Variants in SYNPR observed in about 807,000 individuals in gnomAD.
The protein encoded by SYNPR is synaptoporin.
In SYNPR, 23 loss-of-function variants were observed where a neutral mutation model predicts 32.9. The observed-to-expected ratio is 0.70, with a 90% confidence interval of 0.50 to 0.99. The LOEUF (loss-of-function observed/expected upper bound fraction) is 0.99. SYNPR is among the 50% of genes least tolerant of loss of function. SYNPR has a pLI of 0.00. For synonymous variants in SYNPR, 146 were observed against 135.9 expected (o/e 1.07, Z -0.52); for missense variants, 318 against 349.3 (o/e 0.91, Z 0.71).
intron 4 of SYNPR, 28 bp from the exon 5 acceptor site, chr3:63,609,097 C>A: frequency 6.4e-7 from 1 of 1,557,724 alleles, no homozygotes; most frequent in Non-Finnish European, 8.7e-7. Context: ...TTTCTTTTAC[C>A]ATTTTCTATT....
At chr3:63,368,976 CT>C (rs1575612817) in intron 2 of SYNPR, among the ~76,000 whole-genome samples, 1 of 152,272 alleles carries the variant, frequency 6.6e-6, no homozygotes, top group East Asian at 1.9e-4. Flanking sequence ...TACTCATGGT[CT>C]GTGTTATGAG....
intron 3 of SYNPR, among the ~76,000 whole-genome samples, chr3:63,272,716 G>A (rs1197417148): frequency 6.6e-6 from 1 of 151,982 alleles, no homozygotes; most frequent in Non-Finnish European, 1.5e-5. Flanking sequence ...ATCCCTCCCT[G>A]GTTTCTGTTT....
the SYNPR span, among the ~76,000 whole-genome samples, chr3:63,211,287 G>C: frequency 2.0e-5 from 3 of 152,052 alleles, no homozygotes; most frequent in African/African-American, 7.2e-5. Context: ...GGCTGGTCTT[G>C]AACTCCTGAC....
At chr3:63,523,791 T>A (rs953365745) in intron 3 of SYNPR, among the ~76,000 whole-genome samples, 1 of 152,212 alleles carries the variant, frequency 6.6e-6, no homozygotes, top group Non-Finnish European at 1.5e-5. Context: ...CCCTGCTCAC[T>A]ATGATTTCAG....
intron 2 of SYNPR, among the ~76,000 whole-genome samples, chr3:63,365,044 G>A (rs1340356500): frequency 5.9e-5 from 9 of 152,148 alleles, no homozygotes; most frequent in South Asian, 4.2e-4. Flanking sequence ...ACAAGTCCAC[G>A]AAAAGGGAGT....
At chr3:63,457,851 A>G (rs767879385) in intron 2 of SYNPR, among the ~76,000 whole-genome samples, 1 of 152,098 alleles carries the variant, frequency 6.6e-6, no homozygotes, top group Non-Finnish European at 1.5e-5. Flanking sequence ...AGACTACATG[A>G]TTACCTTAAT....
chr3:63,612,320 C>CAT lies in SYNPR; in HGVS notation c.601-2902_601-2901dup, dbSNP rs571282169. Among the ~76,000 whole-genome samples the CAT allele has an allele frequency of 1.9e-4, 29 of 152,328 alleles. No individual in the cohort carries two copies. In the East Asian group the frequency reaches 5.4e-3, roughly 28 times the overall value. ...CTAAAATACGGTCATTCCCAAATGTCATACAGTGTTAGAGCCTAAATACAG... is the reference window on the plus strand; with the variant it reads ...CTAAAATACGGTCATTCCCAAATGTCATATACAGTGTTAGAGCCTAAATACAG... On this transcript the variant is annotated intron_variant, in intron 5 of 5. Coordinates refer to ENST00000478300, the MANE Select transcript of SYNPR (RefSeq NM_001130003.2).
intron 2 of SYNPR, among the ~76,000 whole-genome samples, chr3:63,304,452 G>GA (rs2086889405): frequency 6.6e-6 from 1 of 151,778 alleles, no homozygotes; most frequent in Non-Finnish European, 1.5e-5. Flanking sequence ...ATTGCTATGA[G>GA]CAAAAGAGAG....
At position 63,466,806 on chromosome 3, in the gene SYNPR, C is replaced by T. The variant is rs1220106290; in HGVS notation, c.85-14026C>T. Reference sequence around the variant, plus strand: ...TATAAGGGCACTAATCCTATCAAATCGGGCCTCATCCTTATGACTTCATTT... The same window carrying T: ...TATAAGGGCACTAATCCTATCAAATTGGGCCTCATCCTTATGACTTCATTT... On this transcript the variant is annotated intron_variant, in intron 2 of 5. Coordinates refer to ENST00000478300, the MANE Select transcript of SYNPR (RefSeq NM_001130003.2). 3.7e-5 allele frequency among the ~76,000 whole-genome samples: 5 copies of T among 136,078 alleles called. 1 individual carries two copies. Among genetic ancestry groups the T allele is most frequent in the South Asian group, 4.4e-4 (2 of 4,560 alleles). The allele number at this position is 136,078 out of a possible 152,430, so 89.3% of individuals were successfully genotyped here.
chr3:63,316,260 G>T (rs1023755517), intron 2 of SYNPR, among the ~76,000 whole-genome samples: 2 of 151,964 alleles, frequency 1.3e-5, no homozygotes, highest in Non-Finnish European at 2.9e-5. Context: ...AAATGAATTT[G>T]GGAGGGTTCC....
the SYNPR span, among the ~76,000 whole-genome samples, chr3:63,203,748 G>T: frequency 6.6e-6 from 1 of 152,134 alleles, no homozygotes; most frequent in Non-Finnish European, 1.5e-5. Context: ...TGTAATCCCA[G>T]CACTTTAGGA....
chr3:63,501,116 T>C (rs777860325), intron 3 of SYNPR, among the ~76,000 whole-genome samples: 21 of 152,148 alleles, frequency 1.4e-4, no homozygotes, highest in Non-Finnish European at 1.9e-4. Context: ...TTATTCGCAC[T>C]GGTGACATAC....
At chr3:63,401,303 C>G (rs1337984806) in intron 2 of SYNPR, among the ~76,000 whole-genome samples, 1 of 152,060 alleles carries the variant, frequency 6.6e-6, no homozygotes, top group Non-Finnish European at 1.5e-5. Flanking sequence ...CTCAGGCCAT[C>G]CACGAATCAA....
intron 3 of SYNPR, among the ~76,000 whole-genome samples, chr3:63,540,255 C>T (rs556853933): frequency 6.6e-6 from 1 of 151,982 alleles, no homozygotes; most frequent in African/African-American, 2.4e-5. Flanking sequence ...AGGTAGCAAA[C>T]AGTATATTAA....
chr3:63,551,603 C>A (rs1039538125), intron 3 of SYNPR, among the ~76,000 whole-genome samples: 1 of 152,166 alleles, frequency 6.6e-6, no homozygotes, highest in Non-Finnish European at 1.5e-5. Flanking sequence ...ATCTTATACT[C>A]TTTCTTTTTA....
chr3:63,549,337 T>C (rs557975155), intron 3 of SYNPR, among the ~76,000 whole-genome samples: 6 of 152,290 alleles, frequency 3.9e-5, no homozygotes, highest in Non-Finnish European at 7.4e-5. Flanking sequence ...GTCATTTGCT[T>C]ACAAATATTC....
rs558039746 is a variant in SYNPR, at chr3:63,318,948, T to A, written c.84+40206T>A. The stretch of plus-strand genomic sequence containing the variant: ...GTTCAGATTCTTTTGTCCTACAGGG[T>A]GTTCCCTTGACGTAGTACTCTCCCC... On this transcript the variant is annotated intron_variant, in intron 2 of 5. Transcript: ENST00000478300. Among the ~76,000 whole-genome samples, 27 of 152,136 alleles carry A rather than the reference T, an allele frequency of 1.8e-4. 2 individuals are homozygous for A. In the South Asian group the frequency reaches 5.2e-3, roughly 29 times the overall value.
At chr3:63,228,120 C>T (rs532455054), upstream of SYNPR, among the ~76,000 whole-genome samples, 14 of 152,188 alleles carry the variant, frequency 9.2e-5, no homozygotes, top group African/African-American at 2.9e-4. Flanking sequence ...AAGGGAGGCC[C>T]GGTAGGAGGC....
chr3:63,370,312 A>T (rs187337744), intron 2 of SYNPR, among the ~76,000 whole-genome samples: 2 of 152,324 alleles, frequency 1.3e-5, no homozygotes, highest in East Asian at 1.9e-4. Context: ...GCAAGATTTC[A>T]TTTAGAAAAT....
Sources: allele counts gnomAD v4.1 joint callset (sites outside exome capture counted in the v4.1 genomes callset), GRCh38; gene constraint gnomAD v4.1.1; transcripts MANE v1.5; gene names NCBI Gene and HGNC (gene_info 2026-07-23, HGNC 2026-07-21).